CELF2: variants seen among roughly 807,000 people sequenced by gnomAD.
The protein encoded by CELF2 is CUG triplet repeat RNA-binding protein 2.
CELF2 carries 8 observed loss-of-function variants against 62.6 expected under a neutral mutation model. The ratio of observed to expected loss-of-function variants is 0.13; its 90% confidence interval spans 0.07 to 0.23. The LOEUF (loss-of-function observed/expected upper bound fraction) is 0.23, where lower values mean the gene tolerates loss of function less well. Among genes scored for constraint, CELF2 ranks in the 10% least tolerant of loss-of-function variants. CELF2 has a pLI of 1.00. For synonymous variants in CELF2, 258 were observed against 250.0 expected, an observed-to-expected ratio of 1.03 and a Z score of -0.30; for missense variants, 333 against 671.0, an observed-to-expected ratio of 0.50 and a Z score of 5.56.
At chr10:11,281,980 G>A (rs2089005310) in intron 8 of CELF2, among the ~76,000 whole-genome samples, 1 of 152,148 alleles carries the variant, frequency 6.6e-6, no homozygotes, top group Non-Finnish European at 1.5e-5. Context: ...GCGCTAGACT[G>A]GAATCCGCCC....
intron 1 of CELF2, among the ~76,000 whole-genome samples, chr10:11,106,528 C>T (rs750965151): frequency 1.3e-4 from 20 of 152,364 alleles, no homozygotes; most frequent in African/African-American, 1.9e-4. Flanking sequence ...TGAGCCACTG[C>T]GCCCAGCCCA....
At chr10:10,900,310 G>C (rs952702517) in intron 1 of CELF2, among the ~76,000 whole-genome samples, 1 of 152,186 alleles carries the variant, frequency 6.6e-6, no homozygotes, top group African/African-American at 2.4e-5. Context: ...GGTGAACATA[G>C]ATGTAAAATT....
intron 8 of CELF2, among the ~76,000 whole-genome samples, chr10:11,279,859 A>G (rs2087671350): frequency 6.6e-6 from 1 of 152,140 alleles, no homozygotes; most frequent in Non-Finnish European, 1.5e-5. Flanking sequence ...GAATCCCTGT[A>G]TTCTCAACTT....
the CELF2 span, among the ~76,000 whole-genome samples, chr10:10,532,008 C>A: frequency 3.3e-5 from 5 of 152,288 alleles, no homozygotes; most frequent in South Asian, 2.1e-4. Flanking sequence ...GCTCAGACAG[C>A]CTTAAACAAA....
At chr10:10,725,314 G>A in the CELF2 span, among the ~76,000 whole-genome samples, 1 of 152,316 alleles carries the variant, frequency 6.6e-6, no homozygotes, top group Admixed American at 6.5e-5. Flanking sequence ...CACCTCTCTA[G>A]TTTGACAGGG....
chr10:11,239,390 A>G (rs6602489), intron 3 of CELF2, among the ~76,000 whole-genome samples: 62,351 of 151,974 alleles, frequency 0.41, 12,776 homozygotes, highest in East Asian at 0.47. Context: ...GGAGTTGAGC[A>G]CTGCTGGCTG....
At chr10:10,696,134 G>T in the CELF2 span, among the ~76,000 whole-genome samples, 1 of 152,108 alleles carries the variant, frequency 6.6e-6, no homozygotes, top group East Asian at 1.9e-4. Flanking sequence ...CCATCTTTGT[G>T]GTTTTACTTT....
At chr10:11,222,771 A>T (rs963825725) in intron 3 of CELF2, among the ~76,000 whole-genome samples, 17 of 152,256 alleles carry the variant, frequency 1.1e-4, no homozygotes, top group African/African-American at 3.9e-4. Flanking sequence ...CCAAAGGCCT[A>T]CAGTTTTATT....
chr10:10,542,300 T>C, the CELF2 span, among the ~76,000 whole-genome samples: 2 of 152,158 alleles, frequency 1.3e-5, no homozygotes, highest in Non-Finnish European at 2.9e-5. Context: ...TTGATGCCTC[T>C]ATTCAAACAC....
exon 1 of CELF2, chr10:10,798,735 C>G: frequency 2.5e-6 from 1 of 398,866 alleles, no homozygotes; most frequent in Non-Finnish European, 4.4e-6. Context: ...CTCCTCCTCT[C>G]CGGACTCGCC....
At chr10:11,147,581 A>G (rs1357693469) in intron 1 of CELF2, among the ~76,000 whole-genome samples, 9 of 152,196 alleles carry the variant, frequency 5.9e-5, no homozygotes. Context: ...TTTTATGCAT[A>G]TAAACCAGGA....
chr10:10,974,036 G>A (rs1169393521), intron 2 of CELF2, among the ~76,000 whole-genome samples: 1 of 152,136 alleles, frequency 6.6e-6, no homozygotes, highest in Non-Finnish European at 1.5e-5. Context: ...TGGACTTTGG[G>A]GTCAGACACA....
At chr10:10,537,807 T>G in the CELF2 span, among the ~76,000 whole-genome samples, 1 of 152,122 alleles carries the variant, frequency 6.6e-6, no homozygotes, top group Non-Finnish European at 1.5e-5. Context: ...TCTTACCCCT[T>G]AAGCCTATGA....
chr10:11,183,588 CATTCCCTCCAA>C (rs901418958), intron 2 of CELF2, among the ~76,000 whole-genome samples: 1 of 152,228 alleles, frequency 6.6e-6, no homozygotes, highest in African/African-American at 2.4e-5. Flanking sequence ...ATTCCCTCCA[CATTCCCTCCAA>C]CACTTGGTGT....
At chr10:10,499,834 T>C in the CELF2 span, among the ~76,000 whole-genome samples, 1 of 152,164 alleles carries the variant, frequency 6.6e-6, no homozygotes, top group East Asian at 1.9e-4. Context: ...GCTGAGATCA[T>C]GCCACTGCAC....
chr10:11,028,855 G>A (rs1319503057), intron 1 of CELF2, among the ~76,000 whole-genome samples: 1 of 151,744 alleles, frequency 6.6e-6, no homozygotes, highest in African/African-American at 2.4e-5. Context: ...GAGTAGCTGA[G>A]ATTACAGGCC....
At chr10:10,917,755 A>G (rs2064490373) in intron 1 of CELF2, 1 of 152,240 alleles carries the variant, frequency 6.6e-6, no homozygotes, top group Admixed American at 6.5e-5. Flanking sequence ...TACCGGCATC[A>G]GTGGGTAGAT....
the CELF2 span, among the ~76,000 whole-genome samples, chr10:10,662,059 G>C: frequency 6.6e-6 from 1 of 152,052 alleles, no homozygotes; most frequent in Non-Finnish European, 1.5e-5. Context: ...TCAAGGGAAA[G>C]TCCCTGGAGA....
chr10:10,676,238 T>C, the CELF2 span, among the ~76,000 whole-genome samples: 2 of 152,122 alleles, frequency 1.3e-5, no homozygotes, highest in South Asian at 2.1e-4. Flanking sequence ...TGGGCTAGAG[T>C]TGAGTTTTTT....
Sources: gnomAD v4.1 joint callset for allele counts (sites outside exome capture counted in the v4.1 genomes callset) on GRCh38, gnomAD v4.1.1 for gene constraint, MANE v1.5 for transcripts, NCBI Gene and HGNC (gene_info 2026-07-23, HGNC 2026-07-21) for gene names.